The following NT5DC1 variants were observed in gnomAD, a reference collection of about 807,000 sequenced individuals.
NT5DC1 encodes the protein 5'-nucleotidase domain-containing protein 1.
A neutral mutation model predicts 59.4 loss-of-function variants in NT5DC1; 42 were observed. That is an observed-to-expected ratio of 0.71 (90% confidence interval 0.55 to 0.92). The LOEUF is 0.92. Ranked by LOEUF, NT5DC1 falls within the 40% of genes least tolerant of loss-of-function variation. The pLI is 0.00. For missense variants in NT5DC1, 501 were observed against 537.1 expected (o/e 0.93, Z 0.66); for synonymous variants, 172 against 188.1 (o/e 0.91, Z 0.70).
At position 116,120,413 on chromosome 6, in the gene NT5DC1, G is replaced by A. The variant is rs191382529; in HGVS notation, c.529+2468G>A. ...ATACAAAATTTTATCAAATGGTATG[G>A]GAGTTCCTATTGCTGGGTAAGCTTT... is the stretch of plus-strand genomic sequence containing the variant. On this transcript the variant is annotated intron_variant, in intron 6 of 11. Coordinates refer to ENST00000319550, the MANE Select transcript of NT5DC1 (RefSeq NM_152729.3). The A allele has an allele frequency of 6.2e-6, 10 of 1,614,228 alleles. No individual in the cohort carries two copies. The Admixed American group carries it at 1.7e-4, about 27-fold the overall frequency.
In NT5DC1 at chr6:116,121,789, A is replaced by C. The variant is rs367923341; in HGVS notation, c.529+3844A>C. 8.7e-6 allele frequency: 14 copies of C among 1,612,564 alleles called. No individual in the cohort carries two copies. The East Asian group carries it at 2.9e-4, about 33-fold the overall frequency. On this transcript the variant is annotated intron_variant, in intron 6 of 11. Coordinates refer to ENST00000319550, the MANE Select transcript of NT5DC1 (RefSeq NM_152729.3). The stretch of plus-strand genomic sequence containing the variant: ...CTGGTTTTCCTGGGAGTCCTGGCAC[A>C]CCTGGTTTCCCTACAGCTGATGGTC...
intron 6 of NT5DC1, among the ~76,000 whole-genome samples, chr6:116,128,885 T>G (rs1206810376): frequency 6.6e-6 from 1 of 152,192 alleles, no homozygotes; most frequent in Admixed American, 6.5e-5. Context: ...ATTAGTTACA[T>G]TGGTTTTTGT....
chr6:116,143,688 T>C (rs936095867), intron 6 of NT5DC1, among the ~76,000 whole-genome samples: 1 of 152,206 alleles, frequency 6.6e-6, no homozygotes, highest in Non-Finnish European at 1.5e-5. Flanking sequence ...CTTTTTTGTT[T>C]TGCATTTTGG....
intron 6 of NT5DC1, among the ~76,000 whole-genome samples, chr6:116,156,534 G>A (rs752548442): frequency 3.3e-5 from 5 of 152,150 alleles, no homozygotes; most frequent in Non-Finnish European, 5.9e-5. Context: ...GCAAAGTAAG[G>A]GAAGAGGAGA....
chr6:116,150,403 A>G (rs1239238924), intron 6 of NT5DC1, among the ~76,000 whole-genome samples: 1 of 151,914 alleles, frequency 6.6e-6, no homozygotes, highest in Non-Finnish European at 1.5e-5. Flanking sequence ...TCCTGCCTCA[A>G]CCTCCCAAGT....
chr6:116,119,782 G>A lies in NT5DC1; in HGVS notation c.529+1837G>A, dbSNP rs550887467. On this transcript the variant is annotated intron_variant, in intron 6 of 11. Transcript: ENST00000319550. ...ATTTTTTTTTTGTTGTTTGTTTTTT[G>A]TTGTTTGTTTTTAACATAGCAGGAC... The A allele has an allele frequency of 3.6e-4, 88 of 247,652 alleles. No individual in the cohort carries two copies. Among genetic ancestry groups the A allele is most frequent in the South Asian group, 2.9e-3 (19 of 6,528 alleles). The allele number at this position is 247,652 out of a possible 1,614,324, so 15.3% of individuals were successfully genotyped here. A position where few individuals can be genotyped will look rare whatever the true frequency, so the allele number is the denominator to read the frequency against.
intron 1 of NT5DC1, among the ~76,000 whole-genome samples, chr6:116,103,778 A>G (rs1257724785): frequency 1.3e-5 from 2 of 152,162 alleles, no homozygotes; most frequent in African/African-American, 2.4e-5. Context: ...TCTAGAAGAG[A>G]GGATGACACA....
intron 6 of NT5DC1, chr6:116,121,254 C>G (rs765611064): frequency 6.2e-7 from 1 of 1,613,960 alleles, no homozygotes; most frequent in East Asian, 2.2e-5. Flanking sequence ...CCAGCTATTC[C>G]TGGAGCCCCA....
chr6:116,114,274 A>G (rs1778925775), intron 4 of NT5DC1, among the ~76,000 whole-genome samples: 1 of 152,190 alleles, frequency 6.6e-6, no homozygotes, highest in Non-Finnish European at 1.5e-5. Context: ...ACATTTTAAA[A>G]TAAATTTACA....
At chr6:116,242,482 CAAAA>C (rs778188431) in intron 11 of NT5DC1, among the ~76,000 whole-genome samples, 3 of 122,620 alleles carry the variant, frequency 2.4e-5, no homozygotes, top group East Asian at 4.8e-4. Flanking sequence ...TAACAGTAAC[CAAAA>C]AAAAAAAAAG....
chr6:116,108,654 T>C (rs761811535), intron 3 of NT5DC1, among the ~76,000 whole-genome samples: 45 of 152,342 alleles, frequency 3.0e-4, no homozygotes, highest in Non-Finnish European at 5.3e-4. Flanking sequence ...GTTTACATCA[T>C]TAGAAATATT....
Position 116,161,320 on chromosome 6 carries a change from A to G in NT5DC1, c.529+43375A>G, listed in dbSNP as rs573543271. Among the ~76,000 whole-genome samples the G allele has an allele frequency of 3.3e-5, 5 of 152,156 alleles. No individual in the cohort carries two copies. The South Asian group carries it at 1.0e-3, about 32-fold the overall frequency. ...ACTAACCTGCACATTGTGCACATGT[A>G]CCCTAAAACTTAAAGTATAATAATA... On this transcript the variant is annotated intron_variant, in intron 6 of 11. Transcript: ENST00000319550.
chr6:116,209,296 C>T (rs1781525272), intron 6 of NT5DC1, among the ~76,000 whole-genome samples: 1 of 151,922 alleles, frequency 6.6e-6, no homozygotes, highest in South Asian at 2.1e-4. Flanking sequence ...CCTTTCTTAG[C>T]TTGTGGGCTG....
At chr6:116,134,353 T>C (rs1779538664) in intron 6 of NT5DC1, among the ~76,000 whole-genome samples, 1 of 152,160 alleles carries the variant, frequency 6.6e-6, no homozygotes, top group African/African-American at 2.4e-5. Flanking sequence ...TCTGACTTCT[T>C]TAGTGTCTGT....
Position 116,235,252 on chromosome 6 carries a change from G to T in NT5DC1, c.803-1714G>T, listed in dbSNP as rs146830094. On this transcript the variant is annotated intron_variant, in intron 8 of 11. Coordinates refer to ENST00000319550, the MANE Select transcript of NT5DC1 (RefSeq NM_152729.3). ...TTGCCATCAAATTCACATTATTTGC[G>T]TAGTAAGACATTTCAGTAAATAAAC... is the stretch of plus-strand genomic sequence containing the variant. Among the ~76,000 whole-genome samples the T allele has an allele frequency of 1.9e-3, 287 of 152,090 alleles. 1 individual carries two copies. The highest frequency in any genetic ancestry group is 0.014 in the Middle Eastern group (4 of 294).
intron 6 of NT5DC1, among the ~76,000 whole-genome samples, chr6:116,153,431 T>C (rs1487093671): frequency 1.3e-5 from 2 of 152,134 alleles, no homozygotes; most frequent in African/African-American, 4.8e-5. Flanking sequence ...TTAAGCATAG[T>C]GTTTTATAGA....
intron 6 of NT5DC1, among the ~76,000 whole-genome samples, chr6:116,149,359 C>T (rs544201789): frequency 5.9e-5 from 9 of 152,224 alleles, no homozygotes; most frequent in African/African-American, 1.4e-4. Context: ...TCTTCCAGTA[C>T]GTATGACAGG....
Position 116,115,715 on chromosome 6 carries a change from A to T in NT5DC1, c.389A>T (p.Tyr130Phe), listed in dbSNP as rs759189573. The change falls in exon 5 of 12, where the codon TAC becomes TTC. Residue 130 changes from tyrosine (Y) to phenylalanine (F), a missense_variant. By Grantham distance (22) the Tyr-to-Phe change is conservative (BLOSUM62 3). Coordinates refer to ENST00000319550, the MANE Select transcript of NT5DC1 (RefSeq NM_152729.3). ...RSGKYYFYDNYFDLPGALLCA... is the reference protein window; with the variant it reads ...RSGKYYFYDNFFDLPGALLCA... Reference sequence around the variant, plus strand: ...GGAAAGTATTACTTTTACGACAACTACTTTGACCTGCCAGGAGCTCTTCTG... The same window carrying T: ...GGAAAGTATTACTTTTACGACAACTTCTTTGACCTGCCAGGAGCTCTTCTG... 1 of 1,601,414 alleles carries T rather than the reference A, an allele frequency of 6.2e-7. No individual in the cohort carries two copies. Among genetic ancestry groups the T allele is most frequent in the South Asian group, 1.1e-5 (1 of 90,796 alleles).
intron 6 of NT5DC1, among the ~76,000 whole-genome samples, chr6:116,194,327 T>C (rs1002421771): frequency 6.6e-6 from 1 of 152,088 alleles, no homozygotes; most frequent in Non-Finnish European, 1.5e-5. Context: ...ACAAGTAATA[T>C]TTATATTCAT....
Sources: gnomAD v4.1 joint callset for allele counts (sites outside exome capture counted in the v4.1 genomes callset) on GRCh38, gnomAD v4.1.1 for gene constraint, MANE v1.5 for transcripts, NCBI Gene and HGNC (gene_info 2026-07-23, HGNC 2026-07-21) for gene names.